The following TENM3 variants were observed in gnomAD, a reference collection of about 807,000 sequenced individuals.
TENM3 encodes the protein teneurin-3.
In TENM3, 63 loss-of-function variants were observed where a neutral mutation model predicts 255.1. That is an observed-to-expected ratio of 0.25 (90% confidence interval 0.20 to 0.30). TENM3 has a LOEUF of 0.30. Ranked by LOEUF, TENM3 falls within the 10% of genes least tolerant of loss-of-function variation. The pLI is 1.00. For missense variants in TENM3, 2,929 were observed against 3,461.1 expected (o/e 0.85, Z 3.86); for synonymous variants, 1,306 against 1,322.3 (o/e 0.99, Z 0.27).
the TENM3 span, among the ~76,000 whole-genome samples, chr4:181,710,237 G>A: frequency 6.6e-6 from 1 of 152,108 alleles, no homozygotes; most frequent in Non-Finnish European, 1.5e-5. Flanking sequence ...AATAAAACAA[G>A]AGCCATTAAG....
intron 19 of TENM3, chr4:182,744,059 A>G (rs1157341046): frequency 1.2e-6 from 1 of 813,822 alleles, no homozygotes; most frequent in African/African-American, 2.1e-5. Context: ...AATTCAACTC[A>G]TTATATTTTA....
the TENM3 span, among the ~76,000 whole-genome samples, chr4:181,854,474 CAG>C: frequency 6.6e-6 from 1 of 151,912 alleles, no homozygotes; most frequent in Non-Finnish European, 1.5e-5. Context: ...TCCCTAGACA[CAG>C]AGTTTCCCAT....
chr4:181,742,738 C>T, the TENM3 span, among the ~76,000 whole-genome samples: 1 of 151,944 alleles, frequency 6.6e-6, no homozygotes, highest in Non-Finnish European at 1.5e-5. Flanking sequence ...AGGTTAGCTA[C>T]ATACGTATAC....
At chr4:182,566,648 A>G (rs1743819583) in intron 3 of TENM3, among the ~76,000 whole-genome samples, 1 of 152,194 alleles carries the variant, frequency 6.6e-6, no homozygotes, top group African/African-American at 2.4e-5. Flanking sequence ...GAGCTCTTGT[A>G]TGTGGCAGGA....
chr4:181,935,923 A>G, the TENM3 span, among the ~76,000 whole-genome samples: 1 of 152,132 alleles, frequency 6.6e-6, no homozygotes, highest in Non-Finnish European at 1.5e-5. Flanking sequence ...GTTTTATATC[A>G]TTCATCTGTC....
chr4:182,534,511 A>C (rs1740094512), intron 3 of TENM3, among the ~76,000 whole-genome samples: 1 of 152,236 alleles, frequency 6.6e-6, no homozygotes, highest in South Asian at 2.1e-4. Flanking sequence ...TAACCTAATT[A>C]GAAAAAGGAG....
At chr4:181,511,695 G>A in the TENM3 span, among the ~76,000 whole-genome samples, 1 of 152,104 alleles carries the variant, frequency 6.6e-6, no homozygotes, top group Non-Finnish European at 1.5e-5. Flanking sequence ...AAGAAAGGAG[G>A]GGTAGCCAAT....
chr4:181,780,558 C>T, the TENM3 span, among the ~76,000 whole-genome samples: 24 of 151,942 alleles, frequency 1.6e-4, no homozygotes, highest in East Asian at 3.9e-4. Context: ...ATGAGTAGAT[C>T]GCAAAAATTT....
At chr4:182,594,957 C>G (rs1228523699) in intron 3 of TENM3, among the ~76,000 whole-genome samples, 1 of 152,116 alleles carries the variant, frequency 6.6e-6, no homozygotes, top group Non-Finnish European at 1.5e-5. Context: ...ACCTCATGAT[C>G]TGCCCACCTC....
chr4:181,688,452 T>C, the TENM3 span, among the ~76,000 whole-genome samples: 1 of 152,152 alleles, frequency 6.6e-6, no homozygotes. Flanking sequence ...TTAAAGTTTT[T>C]CTCTTGATAG....
intron 3 of TENM3, among the ~76,000 whole-genome samples, chr4:182,478,824 T>C (rs948646698): frequency 6.6e-6 from 1 of 151,976 alleles, no homozygotes; most frequent in African/African-American, 2.4e-5. Context: ...TATGATATTA[T>C]AGATAAAATA....
At chr4:182,693,316 A>G (rs1170168761) in intron 12 of TENM3, among the ~76,000 whole-genome samples, 1 of 151,900 alleles carries the variant, frequency 6.6e-6, no homozygotes, top group African/African-American at 2.4e-5. Flanking sequence ...TTTATTCACT[A>G]TAACTGGTAT....
the TENM3 span, among the ~76,000 whole-genome samples, chr4:181,915,614 A>G: frequency 1.3e-5 from 2 of 149,748 alleles, no homozygotes; most frequent in African/African-American, 4.9e-5. Context: ...TAGGCATTCC[A>G]TCAGAAAGAA....
At chr4:182,057,127 CT>C in the TENM3 span, among the ~76,000 whole-genome samples, 1 of 151,678 alleles carries the variant, frequency 6.6e-6, no homozygotes, top group Non-Finnish European at 1.5e-5. Context: ...AACACTTCAT[CT>C]TTCATTTCAA....
intron 1 of TENM3, 28 bp from the exon 2 acceptor site, chr4:182,323,918 A>C: frequency 2.1e-6 from 2 of 938,478 alleles, no homozygotes; most frequent in Non-Finnish European, 3.3e-6. Context: ...CGTCATGCTG[A>C]CCTCATGCAA....
At chr4:181,721,557 G>A in the TENM3 span, among the ~76,000 whole-genome samples, 2 of 26,146 alleles carry the variant, frequency 7.6e-5, no homozygotes, top group Admixed American at 6.3e-4. Context: ...CCGAGATCGC[G>A]CCACTGCACT....
chr4:181,935,174 T>C, the TENM3 span, among the ~76,000 whole-genome samples: 1 of 152,226 alleles, frequency 6.6e-6, no homozygotes, highest in Non-Finnish European at 1.5e-5. Flanking sequence ...AGTTTATTAA[T>C]AATAACACCT....
At chr4:182,243,016 C>T (rs1021904991), upstream of TENM3, among the ~76,000 whole-genome samples, 4 of 152,172 alleles carry the variant, frequency 2.6e-5, no homozygotes, top group Admixed American at 2.6e-4. Context: ...TAGAAGCATT[C>T]CAGGGCGACT....
At chr4:181,643,902 C>A in the TENM3 span, among the ~76,000 whole-genome samples, 1 of 151,790 alleles carries the variant, frequency 6.6e-6, no homozygotes, top group Non-Finnish European at 1.5e-5. Flanking sequence ...CACGGTGAAA[C>A]CTCATCTCTA....
Sources: gnomAD v4.1 joint callset for allele counts (sites outside exome capture counted in the v4.1 genomes callset) on GRCh38, gnomAD v4.1.1 for gene constraint, MANE v1.5 for transcripts, NCBI Gene and HGNC (gene_info 2026-07-23, HGNC 2026-07-21) for gene names.